The following DHDH variants were observed in gnomAD, a reference collection of about 807,000 sequenced individuals.
DHDH encodes the protein trans-1,2-dihydrobenzene-1,2-diol dehydrogenase.
A neutral mutation model predicts 33.2 loss-of-function variants in DHDH; 29 were observed. The ratio of observed to expected loss-of-function variants is 0.87; its 90% CI spans 0.65 to 1.19. The LOEUF (loss-of-function observed/expected upper bound fraction) is 1.19. DHDH is among the 50% of genes most tolerant of loss of function. DHDH has a pLI of 0.00. For synonymous variants in DHDH, 201 were observed against 187.9 expected, an observed-to-expected ratio of 1.07 and a Z score of -0.57; for missense variants, 431 against 455.0, an observed-to-expected ratio of 0.95 and a Z score of 0.48.
chr19:48,935,158 G>A, intron 2 of DHDH, 47 bp downstream of exon 2: 3 of 1,456,694 alleles, frequency 2.1e-6, no homozygotes, highest in African/African-American at 2.8e-5. Context: ...CCCTGGAGCG[G>A]TGCCCCCTGG....
intron 3 of DHDH, 42 bp downstream of exon 3, chr19:48,936,237 C>T (rs1600082975): frequency 6.6e-7 from 1 of 1,526,262 alleles, no homozygotes; most frequent in Non-Finnish European, 8.8e-7. Context: ...CGTAAAAGTG[C>T]TTGCCATTAA....
At chr19:48,941,547 ATGTT>A (rs1228350968) in intron 4 of DHDH, among the ~76,000 whole-genome samples, 2 of 151,778 alleles carry the variant, frequency 1.3e-5, no homozygotes, top group African/African-American at 4.8e-5. Flanking sequence ...ACGCCTGGCT[ATGTT>A]TGTTTGTTTT....
chr19:48,937,447 G>A (rs2037793896), intron 3 of DHDH, among the ~76,000 whole-genome samples: 1 of 152,068 alleles, frequency 6.6e-6, no homozygotes, highest in Admixed American at 6.6e-5. Flanking sequence ...AGGCCGAGGC[G>A]GGCAGATCAC....
chr19:48,934,858 G>A, intron 1 of DHDH, 142 bp from the exon 2 acceptor site: 1 of 543,720 alleles, frequency 1.8e-6, no homozygotes, highest in Non-Finnish European at 3.1e-6. Flanking sequence ...CTTTCCCAGG[G>A]CCCAAATGTC....
chr19:48,944,525 G>A lies in DHDH; in HGVS notation c.895+18G>A. ...ACGCAAGGGTAAGGATATGGATGCG[G>A]GGCAGGCGCCAGGCCTGGTAGGGGG... On this transcript the variant is annotated intron_variant, in intron 6 of 6. Coordinates refer to ENST00000221403, the MANE Select transcript of DHDH (RefSeq NM_014475.4). 1.3e-6 allele frequency: 2 copies of A among 1,576,574 alleles called. No individual in the cohort carries two copies. Among genetic ancestry groups the A allele is most frequent in the Non-Finnish European group, 1.7e-6 (2 of 1,156,808 alleles).
chr19:48,939,962 A>G (rs960197443), intron 4 of DHDH, among the ~76,000 whole-genome samples: 1 of 152,214 alleles, frequency 6.6e-6, no homozygotes, highest in African/African-American at 2.4e-5. Flanking sequence ...TAGGGTTGTC[A>G]TGGGAGTTAA....
intron 4 of DHDH, among the ~76,000 whole-genome samples, chr19:48,940,934 T>G (rs1195522106): frequency 6.7e-6 from 1 of 150,250 alleles, no homozygotes; most frequent in Non-Finnish European, 1.5e-5. Flanking sequence ...CTCCCGCCTC[T>G]GCCTCCCCGA....
chr19:48,941,890 C>A (rs1217747520), intron 4 of DHDH, among the ~76,000 whole-genome samples: 2 of 151,832 alleles, frequency 1.3e-5, no homozygotes, highest in Non-Finnish European at 2.9e-5. Flanking sequence ...CCAGGCTGGT[C>A]TTGAACTCCT....
Position 48,935,047 on chromosome 19 carries a change from A to T in DHDH, c.138A>T (p.Ala46=), listed in dbSNP as rs960717056. Residue 46 remains alanine (A), a synonymous_variant, in exon 2 of 7, where the codon GCA becomes GCT. Coordinates refer to ENST00000221403, the MANE Select transcript of DHDH (RefSeq NM_014475.4). ...ATCTGAGCCGTGCGAAGGAGTTTGC[A>T]CAGAAACACGACATCCCCAAGGCCT... ...ARDLSRAKEF[A]QKHDIPKAYG... is the part of the protein sequence containing the mutation. 2.5e-6 allele frequency: 4 copies of T among 1,592,480 alleles called. No homozygotes were observed. Among genetic ancestry groups the T allele is most frequent in the Non-Finnish European group, 3.4e-6 (4 of 1,171,362 alleles).
At chr19:48,934,368 A>G (rs1384427952) in intron 1 of DHDH, among the ~76,000 whole-genome samples, 1 of 152,152 alleles carries the variant, frequency 6.6e-6, no homozygotes, top group Non-Finnish European at 1.5e-5. Flanking sequence ...AAGACCTTAC[A>G]TCCCCTAGCC....
chr19:48,932,808 CAAT>C (rs1317933698), upstream of DHDH, among the ~76,000 whole-genome samples: 1 of 152,018 alleles, frequency 6.6e-6, no homozygotes, highest in African/African-American at 2.4e-5. Flanking sequence ...GACCCTATAT[CAAT>C]AATAATTATA....
At chr19:48,942,382 T>G (rs563238922) in intron 4 of DHDH, 58 bp from the exon 5 acceptor site, 2 of 1,469,760 alleles carry the variant, frequency 1.4e-6, no homozygotes, top group East Asian at 4.8e-5. Flanking sequence ...TTGGGGCCTG[T>G]GCAGTCTCAG....
chr19:48,943,936 A>G (rs1254707286), intron 5 of DHDH, among the ~76,000 whole-genome samples: 1 of 152,070 alleles, frequency 6.6e-6, no homozygotes, highest in Non-Finnish European at 1.5e-5. Flanking sequence ...TGGAGGTTGC[A>G]GTGAACCGAG....
At chr19:48,934,114 TC>T (rs1182999024) in intron 1 of DHDH, among the ~76,000 whole-genome samples, 1 of 152,264 alleles carries the variant, frequency 6.6e-6, no homozygotes, top group Non-Finnish European at 1.5e-5. Context: ...AACCGTGTGC[TC>T]ACAGAAACAT....
intron 4 of DHDH, among the ~76,000 whole-genome samples, chr19:48,942,185 T>C (rs2037872838): frequency 6.6e-6 from 1 of 152,004 alleles, no homozygotes; most frequent in Non-Finnish European, 1.5e-5. Flanking sequence ...TTTGTATCTT[T>C]AGTAGAGACA....
chr19:48,942,018 G>GTT (rs1226430604), intron 4 of DHDH, among the ~76,000 whole-genome samples: 1 of 150,814 alleles, frequency 6.6e-6, no homozygotes, highest in Non-Finnish European at 1.5e-5. Flanking sequence ...GTGTGTGTGT[G>GTT]TGTGTGTGTG....
intron 4 of DHDH, among the ~76,000 whole-genome samples, chr19:48,940,970 C>T (rs1408469462): frequency 6.0e-5 from 9 of 149,630 alleles, no homozygotes; most frequent in East Asian, 2.0e-4. Flanking sequence ...GTGTGGCCAC[C>T]GCCCCCGGCA....
At position 48,942,692 on chromosome 19, in the gene DHDH, C is replaced by T. The variant is rs1027582574; in HGVS notation, c.744+128C>T. The T allele has an allele frequency of 6.2e-5, 88 of 1,417,814 alleles. 2 individuals are homozygous for T. The South Asian group carries it at 1.3e-3, about 21-fold the overall frequency. The allele number at this position is 1,417,814 out of a possible 1,614,324, so 87.8% of individuals were successfully genotyped here. On this transcript the variant is annotated intron_variant, in intron 5 of 6. Coordinates refer to ENST00000221403, the MANE Select transcript of DHDH (RefSeq NM_014475.4). ...TCATTGCTAAAGAGTTCCTCCTTAA[C>T]CAAGCCAAGAGGTGGGTTCTGGGCC...
chr19:48,943,299 G>A (rs1249401633), intron 5 of DHDH, among the ~76,000 whole-genome samples: 1 of 152,008 alleles, frequency 6.6e-6, no homozygotes, highest in African/African-American at 2.4e-5. Flanking sequence ...TTAGTGGGCA[G>A]TTGTGAATTT....
Sources: allele counts gnomAD v4.1 joint callset (sites outside exome capture counted in the v4.1 genomes callset), GRCh38; gene constraint gnomAD v4.1.1; transcripts MANE v1.5; gene names NCBI Gene and HGNC (gene_info 2026-07-23, HGNC 2026-07-21).